The following RBFOX1 variants were observed in gnomAD, a reference collection of about 807,000 sequenced individuals.
The protein encoded by RBFOX1 is RNA binding fox-1 homolog 1.
In RBFOX1, 8 loss-of-function variants were observed where a neutral mutation model predicts 57.7. The observed-to-expected ratio is 0.14, with a 90% CI of 0.08 to 0.25. The LOEUF is 0.25. RBFOX1 is among the 10% of genes least tolerant of loss of function. The pLI, the probability that RBFOX1 is intolerant of heterozygous loss-of-function variation, is 1.00. For missense variants in RBFOX1, 611 were observed against 548.5 expected, an observed-to-expected ratio of 1.11 and a Z score of -1.14; for synonymous variants, 326 against 222.4, an observed-to-expected ratio of 1.47 and a Z score of -4.15.
chr16:6,843,165 G>A (rs140194293), intron 3 of RBFOX1, among the ~76,000 whole-genome samples: 1 of 152,054 alleles, frequency 6.6e-6, no homozygotes, highest in African/African-American at 2.4e-5. Context: ...ATGATTCTCT[G>A]AGCAAAGTTT....
chr16:6,004,580 A>G (rs72770991), intron 4 of RBFOX1, among the ~76,000 whole-genome samples: 2,299 of 152,298 alleles, frequency 0.015, 24 homozygotes, highest in South Asian at 0.036. Flanking sequence ...AGATTTCTGC[A>G]GCTTCTTATA....
chr16:6,521,597 ACAC>A (rs1488088914), intron 2 of RBFOX1, among the ~76,000 whole-genome samples: 2 of 151,452 alleles, frequency 1.3e-5, no homozygotes, highest in East Asian at 3.9e-4. Flanking sequence ...TTTCCTTAAA[ACAC>A]CAGCAATCAC....
intron 3 of RBFOX1, among the ~76,000 whole-genome samples, chr16:6,849,213 G>A (rs1271944531): frequency 6.6e-6 from 1 of 152,228 alleles, no homozygotes; most frequent in African/African-American, 2.4e-5. Flanking sequence ...CTATCAGAGA[G>A]TGTGTTGACA....
chr16:5,568,579 C>T (rs1357171902), intron 2 of RBFOX1, among the ~76,000 whole-genome samples: 1 of 152,090 alleles, frequency 6.6e-6, no homozygotes, highest in African/African-American at 2.4e-5. Flanking sequence ...TGTGAGGATG[C>T]GTGACACTCA....
chr16:5,660,081 G>A (rs754752194), intron 3 of RBFOX1, among the ~76,000 whole-genome samples: 5 of 152,228 alleles, frequency 3.3e-5, no homozygotes, highest in Middle Eastern at 3.4e-3. Context: ...GGTTCAAGGC[G>A]CATAAAACAG....
chr16:7,324,334 T>C (rs1410290476), intron 4 of RBFOX1, among the ~76,000 whole-genome samples: 1 of 152,174 alleles, frequency 6.6e-6, no homozygotes, highest in Non-Finnish European at 1.5e-5. Flanking sequence ...TGGAGACCTG[T>C]GCTGTTAGGA....
At chr16:6,907,992 A>G (rs111267584) in intron 3 of RBFOX1, among the ~76,000 whole-genome samples, 2 of 151,398 alleles carry the variant, frequency 1.3e-5, no homozygotes, top group African/African-American at 2.4e-5. Context: ...CTGTGTCTCT[A>G]TTTTCCCTTT....
chr16:6,895,418 A>ATGTG lies in RBFOX1; in HGVS notation c.-15-156611_-15-156608dup, dbSNP rs139075559. On this transcript the variant is annotated intron_variant, in intron 3 of 15. Transcript: ENST00000550418. Reference sequence around the variant, plus strand: ...CTCAGCCACTAGTTGTTAGTAATATATGTGTGTGTGTGTGTGTGTGTGTGT... The same window carrying ATGTG: ...CTCAGCCACTAGTTGTTAGTAATATATGTGTGTGTGTGTGTGTGTGTGTGTGTGT... Among the ~76,000 whole-genome samples the ATGTG allele has an allele frequency of 6.4e-3, 551 of 86,694 alleles. 9 individuals carry two copies. The highest frequency in any genetic ancestry group is 7.9e-3 in the Non-Finnish European group (357 of 44,934). The allele number at this position is 86,694 out of a possible 152,430, so 56.9% of individuals were successfully genotyped here.
At chr16:6,840,552 G>A (rs147008198) in intron 3 of RBFOX1, among the ~76,000 whole-genome samples, 66 of 151,966 alleles carry the variant, frequency 4.3e-4, no homozygotes, top group Admixed American at 8.5e-4. Flanking sequence ...GAGGTGATGG[G>A]GCCATAGAGC....
chr16:7,135,421 T>C (rs1009312669), intron 4 of RBFOX1, among the ~76,000 whole-genome samples: 2 of 152,240 alleles, frequency 1.3e-5, no homozygotes, highest in African/African-American at 2.4e-5. Flanking sequence ...TTTATGACTT[T>C]GCATCTTCGA....
chr16:6,144,437 A>T (rs915505556), intron 1 of RBFOX1, among the ~76,000 whole-genome samples: 8 of 152,198 alleles, frequency 5.3e-5, no homozygotes, highest in Admixed American at 5.2e-4. Context: ...TAAAAGCATA[A>T]TGAAAACCTC....
intron 4 of RBFOX1, among the ~76,000 whole-genome samples, chr16:7,194,758 T>C (rs200002580): frequency 2.1e-5 from 3 of 144,938 alleles, no homozygotes; most frequent in African/African-American, 7.8e-5. Context: ...TCAAACCTCA[T>C]CTCTACAAAA....
At chr16:6,537,629 G>T (rs913629957) in intron 2 of RBFOX1, among the ~76,000 whole-genome samples, 4 of 152,276 alleles carry the variant, frequency 2.6e-5, no homozygotes, top group Admixed American at 6.5e-5. Context: ...CTGAAATGCA[G>T]TTTATTTGTC....
At chr16:6,086,478 C>G (rs1391786443) in intron 1 of RBFOX1, among the ~76,000 whole-genome samples, 1 of 142,538 alleles carries the variant, frequency 7.0e-6, no homozygotes, top group Non-Finnish European at 1.6e-5. Flanking sequence ...CCTGTGACAA[C>G]AGCATCCCCG....
Position 6,909,131 on chromosome 16 carries a change from C to G in RBFOX1, c.-15-142926C>G, listed in dbSNP as rs183477101. 1.3e-3 allele frequency among the ~76,000 whole-genome samples: 205 copies of G among 152,272 alleles called. 1 individual carries two copies. Among genetic ancestry groups the G allele is most frequent in the African/African-American group, 4.7e-3 (197 of 41,546 alleles). On this transcript the variant is annotated intron_variant, in intron 3 of 15. Coordinates refer to ENST00000550418, the MANE Select transcript of RBFOX1 (RefSeq NM_018723.4). ...GGTCAGAAGTCCAAAATGGGTCTTG[C>G]TGGAGTAAAATCAAACGTCAACAGT...
chr16:6,794,203 G>A (rs906042712), intron 3 of RBFOX1, among the ~76,000 whole-genome samples: 2 of 151,968 alleles, frequency 1.3e-5, no homozygotes, highest in African/African-American at 4.8e-5. Context: ...GGGATTACTG[G>A]GAGAAGGCTT....
intron 3 of RBFOX1, among the ~76,000 whole-genome samples, chr16:6,892,718 G>C (rs2065765485): frequency 6.6e-6 from 1 of 151,068 alleles, no homozygotes; most frequent in African/African-American, 2.4e-5. Context: ...CTATTTGTAG[G>C]GGTTTGTTAG....
At chr16:6,285,280 A>G (rs2076786672) in intron 1 of RBFOX1, among the ~76,000 whole-genome samples, 1 of 152,166 alleles carries the variant, frequency 6.6e-6, no homozygotes, top group Non-Finnish European at 1.5e-5. Context: ...TGACAAAGGC[A>G]TTTGATTAGA....
intron 3 of RBFOX1, among the ~76,000 whole-genome samples, chr16:6,735,599 C>T (rs534237960): frequency 6.6e-5 from 10 of 152,290 alleles, no homozygotes; most frequent in African/African-American, 2.4e-4. Flanking sequence ...CATTGCATGG[C>T]TAAAATAACT....
Sources: allele counts gnomAD v4.1 joint callset (sites outside exome capture counted in the v4.1 genomes callset), GRCh38; gene constraint gnomAD v4.1.1; transcripts MANE v1.5; gene names NCBI Gene and HGNC (gene_info 2026-07-23, HGNC 2026-07-21).